SIN3A: variants seen among roughly 807,000 people sequenced by gnomAD.
SIN3A encodes paired amphipathic helix protein Sin3a.
In SIN3A, 14 loss-of-function variants were observed where a neutral mutation model predicts 146.1. That is an observed-to-expected ratio of 0.10 (90% CI 0.06 to 0.15). The LOEUF is 0.15. Among genes scored for constraint, SIN3A ranks in the 10% least tolerant of loss-of-function variants. SIN3A has a pLI of 1.00. For missense variants in SIN3A, 1,028 were observed against 1,576.0 expected (o/e 0.65, Z 5.89); for synonymous variants, 572 against 572.0 (o/e 1.00, Z 0.00).
intron 3 of SIN3A, chr15:75,422,304 C>T (rs2073853244): frequency 1.8e-6 from 1 of 563,726 alleles, no homozygotes; most frequent in African/African-American, 1.9e-5. Context: ...CTGTACTAAC[C>T]TGTAGCCAAT....
rs982429316 is a variant in SIN3A at position 75,402,019 on chromosome 15, G to A, written c.1408-49C>T. On this transcript the variant is annotated intron_variant, in intron 9 of 20. Transcript: ENST00000394947. ...AACAGTTTTTGTTTTTCTTAAAGTG[G>A]GGAACTGAAAAGGGCCTCGCTCTGT... is the stretch of plus-strand genomic sequence containing the variant. The A allele has an allele frequency of 4.7e-6, 6 of 1,265,464 alleles. No individual in the cohort carries two copies. The African/African-American group carries it at 8.8e-5, about 19-fold the overall frequency. The allele number at this position is 1,265,464 out of a possible 1,614,324, so 78.4% of individuals were successfully genotyped here.
chr15:75,397,747 G>A (rs760637463), intron 12 of SIN3A, among the ~76,000 whole-genome samples: 5 of 152,162 alleles, frequency 3.3e-5, no homozygotes, highest in Admixed American at 2.0e-4. Flanking sequence ...GTTTGCCCTT[G>A]TAGTCACAAA....
rs373206079 is a variant in SIN3A at position 75,434,883 on chromosome 15, G to A, written c.-33-4475C>T. On this transcript the variant is annotated intron_variant, in intron 1 of 20. Transcript: ENST00000394947. The stretch of plus-strand genomic sequence containing the variant: ...AAATCGCTTGAACCTGGGAGGCAGA[G>A]GCTGCAGTGAGCCGAGATCGCGCCA... Among the ~76,000 whole-genome samples the A allele has an allele frequency of 3.3e-5, 5 of 151,750 alleles. No individual in the cohort carries two copies. In the South Asian group the frequency reaches 6.3e-4, roughly 19 times the overall value.
intron 20 of SIN3A, among the ~76,000 whole-genome samples, chr15:75,372,913 A>T (rs1483299359): frequency 6.6e-6 from 1 of 151,974 alleles, no homozygotes; most frequent in Non-Finnish European, 1.5e-5. Context: ...AGCTGATTCT[A>T]ATGTATCCTG....
Position 75,430,428 on chromosome 15 carries a change from T to C in SIN3A, c.-33-20A>G. ...CAAAACCTGCAGAAACCAAAAGCAA[T>C]AGCATGCAAGTCAATTCTCACTCCA... On this transcript the variant is annotated intron_variant, in intron 1 of 20. Coordinates refer to ENST00000394947, the MANE Select transcript of SIN3A (RefSeq NM_001145358.2). 3.3e-6 allele frequency: 5 copies of C among 1,538,104 alleles called. No individual in the cohort carries two copies. Among genetic ancestry groups the C allele is most frequent in the Admixed American group, 2.0e-5 (1 of 49,286 alleles).
At chr15:75,399,158 T>C (rs1275117409) in intron 12 of SIN3A, among the ~76,000 whole-genome samples, 1 of 151,908 alleles carries the variant, frequency 6.6e-6, no homozygotes, top group Middle Eastern at 3.2e-3. Context: ...AGGTTGAGGC[T>C]GCAATGAACT....
intron 12 of SIN3A, among the ~76,000 whole-genome samples, chr15:75,397,454 A>G (rs2073326236): frequency 6.6e-6 from 1 of 152,158 alleles, no homozygotes; most frequent in African/African-American, 2.4e-5. Flanking sequence ...AAGGTGTGAG[A>G]TCATTCCAAG....
chr15:75,416,006 A>G (rs1334183656), intron 3 of SIN3A: 22 of 330,528 alleles, frequency 6.7e-5, no homozygotes, highest in Admixed American at 5.5e-4. Flanking sequence ...TGAAGGTGCT[A>G]GAGATGCCAA....
chr15:75,384,322 A>G lies in SIN3A; in HGVS notation c.3137T>C (p.Leu1046Pro). ...AGCTTTCCGCTGATACGTTGACTCCAGGAGGCTCCTTGAGTTCTGTGTGTT... is the reference window on the plus strand; with the variant it reads ...AGCTTTCCGCTGATACGTTGACTCCGGGAGGCTCCTTGAGTTCTGTGTGTT... ...QLNTQNSRSL[L>P]ESTYQRKAEQ... Residue 1046 changes from leucine (L) to proline (P), a missense_variant, in exon 17 of 21, where the codon CTG becomes CCG. Physicochemically the swap from Leu to Pro is moderately conservative, Grantham distance 98. Around this residue, in one of 9 missense-constraint regions of SIN3A, gnomAD observed 488 missense variants for 690.2 expected, o/e 0.71. Transcript: ENST00000394947. 2 of 1,613,646 alleles carry G rather than the reference A, an allele frequency of 1.2e-6. No individual in the cohort carries two copies. The highest frequency in any genetic ancestry group is 1.7e-6 in the Non-Finnish European group (2 of 1,179,692).
intron 11 of SIN3A, among the ~76,000 whole-genome samples, chr15:75,400,435 A>G (rs951483136): frequency 2.0e-5 from 3 of 152,086 alleles, no homozygotes; most frequent in Admixed American, 1.3e-4. Flanking sequence ...TTTTATTTTT[A>G]TATTTTTAGC....
chr15:75,399,272 T>C (rs2073364316), intron 12 of SIN3A, among the ~76,000 whole-genome samples: 3 of 151,882 alleles, frequency 2.0e-5, no homozygotes, highest in African/African-American at 4.8e-5. Context: ...CTCACACCTG[T>C]AATCCTAGCA....
rs2072841016 is a variant in SIN3A at position 75,375,667 on chromosome 15, G to C, written c.3589C>G (p.Gln1197Glu). ...YRRTALLRAH[Q>E]SHERVSKRLH... ...AAATTTCAGTTACTGGTTCTCACCT[G>C]ATGAGCCCGGAGCAGGGCGGTCCTC... Residue 1197 changes from glutamine to glutamate, a missense_variant and splice_region_variant, in exon 20 of 21, where the codon CAG becomes GAG. Gln to Glu is a conservative substitution (Grantham distance 29, BLOSUM62 2). Coordinates refer to ENST00000394947, the MANE Select transcript of SIN3A (RefSeq NM_001145358.2). 1 of 1,613,694 alleles carries C rather than the reference G, an allele frequency of 6.2e-7. No homozygotes were observed. The highest frequency in any genetic ancestry group is 8.5e-7 in the Non-Finnish European group (1 of 1,179,588).
chr15:75,434,088 T>C (rs773961921), intron 1 of SIN3A, among the ~76,000 whole-genome samples: 25 of 152,186 alleles, frequency 1.6e-4, no homozygotes, highest in Non-Finnish European at 3.5e-4. Context: ...CTTAACTACT[T>C]CACTACCTTA....
chr15:75,450,969 C>G (rs1057326831), intron 1 of SIN3A, among the ~76,000 whole-genome samples: 1 of 152,058 alleles, frequency 6.6e-6, no homozygotes, highest in Non-Finnish European at 1.5e-5. Context: ...GGAACTCAGA[C>G]TTCACGCCCC....
intron 18 of SIN3A, chr15:75,381,086 TAA>T (rs11342034): frequency 0.035 from 3,955 of 111,422 alleles, 140 homozygotes; most frequent in African/African-American, 0.1. Flanking sequence ...TGACATCGCT[TAA>T]AAAAAAAAAA....
chr15:75,454,473 C>A (rs2141658452), upstream of SIN3A, among the ~76,000 whole-genome samples: 1 of 151,310 alleles, frequency 6.6e-6, no homozygotes, highest in East Asian at 1.9e-4. Flanking sequence ...CCGCCTCTCC[C>A]GGCGTCGCCC....
chr15:75,379,036 A>C (rs2072917259), intron 19 of SIN3A, among the ~76,000 whole-genome samples: 1 of 151,912 alleles, frequency 6.6e-6, no homozygotes, highest in Non-Finnish European at 1.5e-5. Flanking sequence ...AGTAGCTTGG[A>C]CTACAGGCGC....
At chr15:75,436,704 T>C (rs1177673603) in intron 1 of SIN3A, among the ~76,000 whole-genome samples, 1 of 152,016 alleles carries the variant, frequency 6.6e-6, no homozygotes, top group Non-Finnish European at 1.5e-5. Flanking sequence ...TGTTGTGTAT[T>C]TGGAAATTTT....
intron 13 of SIN3A, among the ~76,000 whole-genome samples, chr15:75,395,214 T>C (rs559152259): frequency 5.3e-5 from 8 of 152,292 alleles, no homozygotes; most frequent in African/African-American, 1.4e-4. Context: ...ACAATGCTAA[T>C]AGAAACACAG....
Sources: allele counts gnomAD v4.1 joint callset (sites outside exome capture counted in the v4.1 genomes callset), GRCh38; gene constraint gnomAD v4.1.1; regional missense constraint gnomAD v4.1.1; transcripts MANE v1.5; gene names NCBI Gene and HGNC (gene_info 2026-07-23, HGNC 2026-07-21).